CNNM2: variants seen among roughly 807,000 people sequenced by gnomAD.
The protein encoded by CNNM2 is metal transporter CNNM2.
Under a neutral mutation model 66.9 loss-of-function variants are expected in CNNM2, and 12 were observed. The ratio of observed to expected loss-of-function variants is 0.18; its 90% CI spans 0.11 to 0.29. CNNM2 has a LOEUF of 0.29. CNNM2 is among the 10% of genes least tolerant of loss of function. The pLI is 1.00. For missense variants in CNNM2, 705 were observed against 1,167.7 expected (o/e 0.60, Z 5.77); for synonymous variants, 557 against 501.8 (o/e 1.11, Z -1.47).
chr10:103,060,916 A>T (rs1176961744), intron 4 of CNNM2, among the ~76,000 whole-genome samples: 1 of 152,222 alleles, frequency 6.6e-6, no homozygotes, highest in African/African-American at 2.4e-5. Flanking sequence ...GAGAAAACAT[A>T]TAGAATGTAA....
intron 2 of CNNM2, among the ~76,000 whole-genome samples, chr10:103,052,841 AT>A (rs2065239012): frequency 6.6e-6 from 1 of 152,136 alleles, no homozygotes; most frequent in Non-Finnish European, 1.5e-5. Context: ...CTGGATAGAG[AT>A]TGGGAGTGAC....
chr10:103,011,646 CTGTGTGTGTGTGTGTGTGTGTGTG>C (rs10624803), intron 1 of CNNM2, among the ~76,000 whole-genome samples: 1 of 136,002 alleles, frequency 7.4e-6, no homozygotes, highest in African/African-American at 2.8e-5. Flanking sequence ...AATACTTGCA[CTGTGTGTGTGTGTGTGTGTGTGTG>C]TGTGTGTGTG....
intron 1 of CNNM2, among the ~76,000 whole-genome samples, chr10:103,040,820 T>C (rs372553467): frequency 4.1e-4 from 63 of 152,320 alleles, no homozygotes; most frequent in African/African-American, 1.3e-3. Context: ...CTTATGTAAT[T>C]GTTCCTCCCG....
intron 4 of CNNM2, among the ~76,000 whole-genome samples, chr10:103,064,553 C>T (rs1179263383): frequency 6.6e-6 from 1 of 152,126 alleles, no homozygotes; most frequent in Admixed American, 6.5e-5. Flanking sequence ...AAAATAAATA[C>T]CTTTATTTTG....
chr10:102,944,552 G>T (rs1846541257), intron 1 of CNNM2, among the ~76,000 whole-genome samples: 1 of 150,416 alleles, frequency 6.6e-6, no homozygotes, highest in Non-Finnish European at 1.5e-5. Context: ...TTCACCAGTT[G>T]TTAATATTTT....
chr10:102,929,988 G>A (rs1301557557), intron 1 of CNNM2, among the ~76,000 whole-genome samples: 1 of 152,188 alleles, frequency 6.6e-6, no homozygotes, highest in African/African-American at 2.4e-5. Flanking sequence ...AGGCAACTGG[G>A]TGTCATAAAA....
At chr10:102,943,566 T>TA (rs1846504953) in intron 1 of CNNM2, among the ~76,000 whole-genome samples, 1 of 152,236 alleles carries the variant, frequency 6.6e-6, no homozygotes, top group Non-Finnish European at 1.5e-5. Context: ...GAGCAGGCAT[T>TA]ACTTTTATTA....
chr10:103,057,017 G>A, intron 4 of CNNM2, 53 bp downstream of exon 4: 1 of 1,562,504 alleles, frequency 6.4e-7, no homozygotes, highest in African/African-American at 1.4e-5. Flanking sequence ...CCATCTTTCA[G>A]TTTGGTGTAA....
intron 1 of CNNM2, among the ~76,000 whole-genome samples, chr10:102,931,961 T>C (rs1027458886): frequency 6.6e-6 from 1 of 152,180 alleles, no homozygotes; most frequent in Non-Finnish European, 1.5e-5. Context: ...ACGTGCTTAC[T>C]GGCCATTTCT....
At chr10:103,072,414 T>TTCTCCCC (rs2065601008) in intron 6 of CNNM2, among the ~76,000 whole-genome samples, 2 of 149,330 alleles carry the variant, frequency 1.3e-5, no homozygotes, top group Non-Finnish European at 3.0e-5. Flanking sequence ...CAGGCGGCCC[T>TTCTCCCC]ACTTCTCCCC....
chr10:102,950,802 T>C (rs1373872963), intron 1 of CNNM2, among the ~76,000 whole-genome samples: 2 of 152,118 alleles, frequency 1.3e-5, no homozygotes, highest in African/African-American at 4.8e-5. Flanking sequence ...ATTTTAATTT[T>C]AAGGGGATGC....
At chr10:103,052,023 TC>T (rs1219525942) in intron 2 of CNNM2, among the ~76,000 whole-genome samples, 1 of 152,052 alleles carries the variant, frequency 6.6e-6, no homozygotes, top group African/African-American at 2.4e-5. Flanking sequence ...ATGCCTGTAA[TC>T]CCAGCACTTT....
intron 1 of CNNM2, among the ~76,000 whole-genome samples, chr10:102,926,459 T>C (rs1028857943): frequency 1.3e-4 from 20 of 152,294 alleles, no homozygotes; most frequent in African/African-American, 4.6e-4. Flanking sequence ...ATTTTAATTA[T>C]TAGCAAATCT....
In CNNM2 at chr10:103,083,698, G is replaced by A. The variant is rs906936186; in HGVS notation, c.*6518G>A. The A allele has an allele frequency of 5.9e-5, 9 of 152,162 alleles. No homozygotes were observed. Among genetic ancestry groups the A allele is most frequent in the East Asian group, 1.9e-4 (1 of 5,198 alleles). The allele number at this position is 152,162 out of a possible 1,614,324, so 9.4% of individuals were successfully genotyped here. ...AGTTACTCTCTACATAAGAACATTC[G>A]GAGTATCCAGTCAAATTGCCCCAGA... On this transcript the variant is annotated 3_prime_UTR_variant, in exon 8 of 8. Coordinates refer to ENST00000369878, the MANE Select transcript of CNNM2 (RefSeq NM_017649.5).
chr10:103,070,917 G>A (rs1479662142), intron 5 of CNNM2, among the ~76,000 whole-genome samples: 1 of 152,012 alleles, frequency 6.6e-6, no homozygotes, highest in Admixed American at 6.5e-5. Flanking sequence ...GTGACAGAGC[G>A]AGAATCCATC....
intron 1 of CNNM2, among the ~76,000 whole-genome samples, chr10:102,990,937 A>C (rs1188575613): frequency 6.6e-6 from 1 of 152,194 alleles, no homozygotes; most frequent in African/African-American, 2.4e-5. Context: ...AGGAATAGTT[A>C]TCTCTGTGTA....
At chr10:102,967,221 G>A (rs1415373076) in intron 1 of CNNM2, among the ~76,000 whole-genome samples, 2 of 152,180 alleles carry the variant, frequency 1.3e-5, no homozygotes, top group African/African-American at 4.8e-5. Flanking sequence ...CTGAGTAGCT[G>A]GGATTATAGG....
Position 103,077,265 on chromosome 10 carries a change from G to A in CNNM2, c.*85G>A, listed in dbSNP as rs1245830962. On this transcript the variant is annotated 3_prime_UTR_variant, in exon 8 of 8. Transcript: ENST00000369878. ...TCTGCCCATGACTTCACTGGTGTGA[G>A]CTTGTCCGCCATGCTGTACCCTGCA... The A allele has an allele frequency of 3.2e-6, 4 of 1,254,230 alleles. No individual in the cohort carries two copies. The highest frequency in any genetic ancestry group is 4.5e-6 in the Non-Finnish European group (4 of 879,800). 77.7% of individuals were successfully genotyped at this position (1,254,230 alleles called of 1,614,324 possible). A position where few individuals can be genotyped will look rare whatever the true frequency, so the allele number is the denominator to read the frequency against.
At chr10:102,934,936 A>G (rs1430314474) in intron 1 of CNNM2, among the ~76,000 whole-genome samples, 3 of 152,068 alleles carry the variant, frequency 2.0e-5, no homozygotes, top group Admixed American at 6.5e-5. Context: ...AGGAGGGCCA[A>G]TCACCTGAGG....
Sources: allele counts gnomAD v4.1 joint callset (sites outside exome capture counted in the v4.1 genomes callset), GRCh38; gene constraint gnomAD v4.1.1; transcripts MANE v1.5; gene names NCBI Gene and HGNC (gene_info 2026-07-23, HGNC 2026-07-21).